Variants in C19orf12 observed in about 807,000 individuals in gnomAD.
C19orf12 encodes chromosome 19 open reading frame 12.
C19orf12 carries 2 observed loss-of-function variants against 3.8 expected under a neutral mutation model. The observed-to-expected ratio is 0.53, with a 90% CI of 0.22 to 1.66. C19orf12 has a LOEUF of 1.66. Ranked by LOEUF, C19orf12 falls within the 40% of genes most tolerant of loss-of-function variation. The probability of loss-of-function intolerance (pLI) is 0.20; values close to 1 mark genes in which losing one functional copy is unlikely to be tolerated. For missense variants in C19orf12, 156 were observed against 188.8 expected (o/e 0.83, Z 1.02); for synonymous variants, 89 against 84.6 (o/e 1.05, Z -0.28).
At chr19:29,707,871 CT>C (rs199544563) in intron 2 of C19orf12, among the ~76,000 whole-genome samples, 13,727 of 143,126 alleles carry the variant, frequency 0.096, 697 homozygotes, top group African/African-American at 0.16. Flanking sequence ...TTTCTTTTTC[CT>C]TTTTTTTTTT....
chr19:29,708,570 C>T, intron 1 of C19orf12, 147 bp from the exon 2 acceptor site: 1 of 992,652 alleles, frequency 1.0e-6, no homozygotes, highest in Non-Finnish European at 1.5e-6. Context: ...CAGACAGCAT[C>T]CAGACGGTGG....
Position 29,701,416 on chromosome 19 carries a change from A to G in C19orf12, c.*1296T>C. The G allele has an allele frequency of 2.2e-6, 1 of 454,154 alleles. No homozygotes were observed. The highest frequency in any genetic ancestry group is 4.4e-6 in the Non-Finnish European group (1 of 226,800). 28.1% of individuals were successfully genotyped at this position (454,154 alleles called of 1,614,324 possible). A position where few individuals can be genotyped will look rare whatever the true frequency, so the allele number is the denominator to read the frequency against. On this transcript the variant is annotated 3_prime_UTR_variant, in exon 3 of 3. Coordinates refer to ENST00000323670, the MANE Select transcript of C19orf12 (RefSeq NM_031448.6). Reference sequence around the variant, plus strand: ...TAGATTTCTTATAATACCAAATACAATATAAATGCTATGTAAATATGCTAC... The same window carrying G: ...TAGATTTCTTATAATACCAAATACAGTATAAATGCTATGTAAATATGCTAC...
At position 29,708,454 on chromosome 19, in the gene C19orf12, C is replaced by G. The variant is rs780395379; in HGVS notation, c.-10-31G>C. 5 of 1,609,938 alleles carry G rather than the reference C, an allele frequency of 3.1e-6. No individual in the cohort carries two copies. The Admixed American group carries it at 6.7e-5, about 21-fold the overall frequency. ...AGGGAGAAGTTCAGAGGGACAGTTTCAATGAGCATAAGAGTATTTCCATCA... is the reference window on the plus strand; with the variant it reads ...AGGGAGAAGTTCAGAGGGACAGTTTGAATGAGCATAAGAGTATTTCCATCA... On this transcript the variant is annotated intron_variant, in intron 1 of 2. Transcript: ENST00000323670.
rs1971970799 is a variant in C19orf12, at chr19:29,699,676, C to T, written c.*3036G>A. 2.2e-6 allele frequency: 1 copy of T among 453,860 alleles called. No individual in the cohort carries two copies. The highest frequency in any genetic ancestry group is 4.4e-6 in the Non-Finnish European group (1 of 226,776). The allele number at this position is 453,860 out of a possible 1,614,324, so 28.1% of individuals were successfully genotyped here. ...CTGACAAAAGGAAATGAACAGTTTT[C>T]AGAGACTTACTTTAAAACAGAGTTA... On this transcript the variant is annotated 3_prime_UTR_variant, in exon 3 of 3. Coordinates refer to ENST00000323670, the MANE Select transcript of C19orf12 (RefSeq NM_031448.6).
At chr19:29,705,274 C>A in intron 2 of C19orf12, 1 of 424,272 alleles carries the variant, frequency 2.4e-6, no homozygotes, top group Admixed American at 2.7e-5. Context: ...TACGAAATAC[C>A]TGCCCAGTAC....
rs1400673093 is a variant in C19orf12, at chr19:29,702,289, G to A, written c.*423C>T. ...AGGACCTGCAGGGGGGTGGGATCCA[G>A]TCCTGCAGCAGGTGCTCTGAAGAGG... On this transcript the variant is annotated 3_prime_UTR_variant, in exon 3 of 3. Transcript: ENST00000323670. 9 of 459,398 alleles carry A rather than the reference G, an allele frequency of 2.0e-5. No individual in the cohort carries two copies. Among genetic ancestry groups the A allele is most frequent in the South Asian group, 9.3e-5 (6 of 64,520 alleles). 28.5% of individuals were successfully genotyped at this position (459,398 alleles called of 1,614,324 possible). A position where few individuals can be genotyped will look rare whatever the true frequency, so the allele number is the denominator to read the frequency against.
At chr19:29,713,936 CTCTT>C (rs932291676) in intron 1 of C19orf12, among the ~76,000 whole-genome samples, 30 of 146,030 alleles carry the variant, frequency 2.1e-4, no homozygotes, top group African/African-American at 4.8e-4. Context: ...CAAAGTATCC[CTCTT>C]TCTTTTTTTC....
At chr19:29,703,935 A>G (rs1051186045) in intron 2 of C19orf12, among the ~76,000 whole-genome samples, 5 of 152,040 alleles carry the variant, frequency 3.3e-5, no homozygotes, top group African/African-American at 1.2e-4. Context: ...GGTTGCAGTG[A>G]GCCGAGATCA....
chr19:29,699,892 G>A lies in C19orf12; in HGVS notation c.*2820C>T, dbSNP rs1971983891. The A allele has an allele frequency of 2.2e-6, 1 of 451,708 alleles. No homozygotes were observed. Among genetic ancestry groups the A allele is most frequent in the Admixed American group, 2.4e-5 (1 of 42,044 alleles). The allele number at this position is 451,708 out of a possible 1,614,324, so 28.0% of individuals were successfully genotyped here. A position where few individuals can be genotyped will look rare whatever the true frequency, so the allele number is the denominator to read the frequency against. On this transcript the variant is annotated 3_prime_UTR_variant, in exon 3 of 3. Transcript: ENST00000323670. Reference sequence around the variant, plus strand: ...ATACTAAAACCACAGGAGCTGAGAAGCAGCGCTTGATTTCCTGGGGGAAAT... The same window carrying A: ...ATACTAAAACCACAGGAGCTGAGAAACAGCGCTTGATTTCCTGGGGGAAAT...
Position 29,715,145 on chromosome 19 carries a change from G to C in C19orf12, c.-31C>G. ...TTTACCTGGGGGAGCGGAGGTCTAC[G>C]CGGCGCGCTCGGCGATCAGACGCGG... On this transcript the variant is annotated 5_prime_UTR_variant, in exon 1 of 3. Transcript: ENST00000323670. 1 of 575,610 alleles carries C rather than the reference G, an allele frequency of 1.7e-6. No individual in the cohort carries two copies. Among genetic ancestry groups the C allele is most frequent in the Non-Finnish European group, 3.1e-6 (1 of 325,078 alleles). The allele number at this position is 575,610 out of a possible 1,614,324, so 35.7% of individuals were successfully genotyped here. A position where few individuals can be genotyped will look rare whatever the true frequency, so the allele number is the denominator to read the frequency against.
intron 1 of C19orf12, among the ~76,000 whole-genome samples, chr19:29,712,674 A>G (rs1972745580): frequency 6.6e-6 from 1 of 152,088 alleles, no homozygotes; most frequent in Non-Finnish European, 1.5e-5. Flanking sequence ...TTTTCTATAA[A>G]AACCCTTGCA....
At chr19:29,712,201 C>T (rs1455929273) in intron 1 of C19orf12, among the ~76,000 whole-genome samples, 2 of 152,010 alleles carry the variant, frequency 1.3e-5, no homozygotes, top group Admixed American at 6.6e-5. Flanking sequence ...GTCAAGAGAT[C>T]GAGACTATCC....
Position 29,702,814 on chromosome 19 carries a change from G to A in C19orf12, c.324C>T (p.Thr108=), listed in dbSNP as rs10424582. 1,168,356 of 1,613,648 alleles carry A rather than the reference G, an allele frequency of 0.72. 430,558 individuals are homozygous for A. Among genetic ancestry groups the A allele is most frequent in the African/African-American group, 0.78 (58,135 of 74,966 alleles). The change falls in exon 3 of 3, where the codon ACC becomes ACT. Residue 108 remains threonine, a synonymous_variant. Transcript: ENST00000323670. ...GGGCCTCGCTGCCCATGACCAGCGC[G>A]GTCAGCTGCACGGCGTCCGTCCACT... ...HLEWTDAVQL[T]ALVMGSEALQ...
In C19orf12 at chr19:29,699,176, T is replaced by C; in HGVS notation, c.*3536A>G. On this transcript the variant is annotated 3_prime_UTR_variant, in exon 3 of 3. Coordinates refer to ENST00000323670, the MANE Select transcript of C19orf12 (RefSeq NM_031448.6). ...TAAGAAGGCAAGTACGTTAGAAATA[T>C]ACATACATAGGCCGGGCGCAGTGGC... is the stretch of plus-strand genomic sequence containing the variant. 2.2e-6 allele frequency: 1 copy of C among 453,860 alleles called. No homozygotes were observed. The highest frequency in any genetic ancestry group is 1.6e-5 in the South Asian group (1 of 64,464). 28.1% of individuals were successfully genotyped at this position (453,860 alleles called of 1,614,324 possible). A position where few individuals can be genotyped will look rare whatever the true frequency, so the allele number is the denominator to read the frequency against.
chr19:29,708,403 A>T lies in C19orf12; in HGVS notation c.11T>A (p.Met4Lys). 6.2e-7 allele frequency: 1 copy of T among 1,614,030 alleles called. No homozygotes were observed. Among genetic ancestry groups the T allele is most frequent in the Non-Finnish European group, 8.5e-7 (1 of 1,180,016 alleles). ...CAGCAGCTTCATGATGTCCTCCACC[A>T]TGATAGTCATCGTGGCGGGCCTTCG... MTIMVEDIMKLLCS... is the reference protein window; with the variant it reads MTIKVEDIMKLLCS... The change falls in exon 2 of 3, where the codon ATG becomes AAG. Residue 4 changes from methionine (M) to lysine (K), a missense_variant. Met to Lys is a moderately conservative substitution (Grantham distance 95). Coordinates refer to ENST00000323670, the MANE Select transcript of C19orf12 (RefSeq NM_031448.6).
At position 29,708,362 on chromosome 19, in the gene C19orf12, C is replaced by T. The variant is rs190759045; in HGVS notation, c.52G>A (p.Glu18Lys). 1.9e-6 allele frequency: 3 copies of T among 1,614,142 alleles called. No homozygotes were observed. Among genetic ancestry groups the T allele is most frequent in the East Asian group, 4.5e-5 (2 of 44,880 alleles). The change falls in exon 2 of 3, where the codon GAG becomes AAG. Residue 18 changes from glutamate to lysine, a missense_variant. Transcript: ENST00000323670. ...TTGACAGCCGCCTTCATCTTCCTCT[C>T]CCCAGAAAGGGAGCACAGCAGCTTC... ...IMKLLCSLSG[E>K]RKMKAAVKHS...
chr19:29,708,787 C>T, intron 1 of C19orf12: 1 of 365,934 alleles, frequency 2.7e-6, no homozygotes, highest in Non-Finnish European at 5.3e-6. Flanking sequence ...CCGGGGAATG[C>T]CCTGCACACA....
At chr19:29,709,374 T>TG (rs1306751742) in intron 1 of C19orf12, among the ~76,000 whole-genome samples, 2 of 151,854 alleles carry the variant, frequency 1.3e-5, no homozygotes, top group African/African-American at 2.4e-5. Context: ...GGCCACGAGG[T>TG]GGGGGGTCTC....
chr19:29,705,716 T>A (rs1015468239), intron 2 of C19orf12, among the ~76,000 whole-genome samples: 1 of 151,848 alleles, frequency 6.6e-6, no homozygotes, highest in East Asian at 1.9e-4. Context: ...GGGGTCTCAT[T>A]ATGTTGCCCA....
Sources: allele counts gnomAD v4.1 joint callset (sites outside exome capture counted in the v4.1 genomes callset), GRCh38; gene constraint gnomAD v4.1.1; transcripts MANE v1.5; gene names NCBI Gene and HGNC (gene_info 2026-07-23, HGNC 2026-07-21).